Variants in VWA8 observed in about 807,000 individuals in gnomAD.
VWA8 encodes the protein von Willebrand factor A domain containing 8, also known as von Willebrand factor A domain-containing protein 8.
A neutral mutation model predicts 241.5 loss-of-function variants in VWA8; 221 were observed. The observed-to-expected ratio is 0.91, with a 90% CI of 0.82 to 1.02. The LOEUF is 1.02. Ranked by LOEUF, VWA8 falls within the 50% of genes least tolerant of loss-of-function variation. The pLI is 0.00. For synonymous variants in VWA8, 852 were observed against 827.1 expected, an observed-to-expected ratio of 1.03 and a Z score of -0.52; for missense variants, 2,322 against 2,328.7, an observed-to-expected ratio of 1.00 and a Z score of 0.06.
At chr13:41,769,924 A>T (rs995749981) in intron 20 of VWA8, among the ~76,000 whole-genome samples, 2 of 152,228 alleles carry the variant, frequency 1.3e-5, no homozygotes, top group African/African-American at 4.8e-5. Context: ...GGATCACAAC[A>T]ATTTTAAAAG....
chr13:41,592,744 A>AG (rs1324085808), intron 40 of VWA8, among the ~76,000 whole-genome samples: 4 of 149,052 alleles, frequency 2.7e-5, no homozygotes, highest in African/African-American at 7.3e-5. Context: ...AAAAAAAAAA[A>AG]GATTATGTGT....
chr13:41,599,038 C>T (rs759072415), intron 40 of VWA8, among the ~76,000 whole-genome samples: 1 of 152,074 alleles, frequency 6.6e-6, no homozygotes, highest in Non-Finnish European at 1.5e-5. Flanking sequence ...TTTGTTCATT[C>T]AGCATATGTT....
chr13:41,573,417 CAAA>C (rs879624625), intron 43 of VWA8, among the ~76,000 whole-genome samples: 23,800 of 144,262 alleles, frequency 0.16, 2,100 homozygotes, highest in Admixed American at 0.25. Flanking sequence ...GACTCCATCT[CAAA>C]ACAAACAAAG....
intron 21 of VWA8, among the ~76,000 whole-genome samples, chr13:41,744,165 A>G (rs1444628193): frequency 6.6e-6 from 1 of 152,214 alleles, no homozygotes; most frequent in Non-Finnish European, 1.5e-5. Context: ...GAAGAGGCTG[A>G]GGCCAGCCTT....
At chr13:41,686,628 C>T (rs556290151) in intron 34 of VWA8, among the ~76,000 whole-genome samples, 2 of 152,046 alleles carry the variant, frequency 1.3e-5, no homozygotes, top group East Asian at 1.9e-4. Context: ...TTCTAGTTTT[C>T]TTCCTTTCAG....
At chr13:41,766,572 A>G (rs1269762133) in intron 20 of VWA8, among the ~76,000 whole-genome samples, 1 of 152,178 alleles carries the variant, frequency 6.6e-6, no homozygotes, top group African/African-American at 2.4e-5. Flanking sequence ...TTCCATATCC[A>G]TATCTTTGCT....
chr13:41,736,844 CTTTTTTTTTTT>C, intron 21 of VWA8, among the ~76,000 whole-genome samples: 1 of 128,496 alleles, frequency 7.8e-6, no homozygotes, highest in East Asian at 2.3e-4. Flanking sequence ...TTTTTCTTTT[CTTTTTTTTTTT>C]TTTTTTTTGA....
chr13:41,830,427 T>C (rs1871396140), intron 14 of VWA8, 102 bp downstream of exon 14: 3 of 987,978 alleles, frequency 3.0e-6, no homozygotes, highest in Non-Finnish European at 4.4e-6. Context: ...ATTAAATTGT[T>C]CAAAGTTATC....
intron 13 of VWA8, among the ~76,000 whole-genome samples, chr13:41,831,613 GT>G (rs71096547): frequency 0.066 from 7,456 of 112,528 alleles, 88 homozygotes; most frequent in Non-Finnish European, 0.087. Flanking sequence ...CCAGGCATGA[GT>G]TTTTTTTTTT....
At position 41,671,395 on chromosome 13, in the gene VWA8, A is replaced by C. The variant is rs569202547; in HGVS notation, c.4410-248T>G. Among the ~76,000 whole-genome samples, 9 of 152,296 alleles carry C rather than the reference A, an allele frequency of 5.9e-5. No individual in the cohort carries two copies. In the South Asian group the frequency reaches 1.7e-3, roughly 28 times the overall value. On this transcript the variant is annotated intron_variant, in intron 36 of 44. Coordinates refer to ENST00000379310, the MANE Select transcript of VWA8 (RefSeq NM_015058.2). ...AGGACAATCATGAATATAAAAAAAA[A>C]CCAGAAAGACTATTTTAAGAAAGAT...
At chr13:41,726,792 C>T (rs527887444) in intron 24 of VWA8, among the ~76,000 whole-genome samples, 44 of 152,110 alleles carry the variant, frequency 2.9e-4, no homozygotes, top group African/African-American at 9.6e-4. Flanking sequence ...GTCAGGAGTT[C>T]GAGACCAGCC....
intron 9 of VWA8, among the ~76,000 whole-genome samples, chr13:41,882,697 G>C (rs368364477): frequency 2.0e-5 from 3 of 152,204 alleles, no homozygotes; most frequent in South Asian, 2.1e-4. Flanking sequence ...GCAGGCACTC[G>C]GCAGGCTGAG....
At chr13:41,792,670 A>G (rs1364085500) in intron 17 of VWA8, among the ~76,000 whole-genome samples, 1 of 152,028 alleles carries the variant, frequency 6.6e-6, no homozygotes, top group Admixed American at 6.6e-5. Flanking sequence ...GACTAATTAT[A>G]TCTAAATATC....
At chr13:41,816,580 G>A in intron 16 of VWA8, 118 bp downstream of exon 16, 1 of 927,468 alleles carries the variant, frequency 1.1e-6, no homozygotes, top group South Asian at 1.7e-5. Flanking sequence ...CATAGCATAA[G>A]GGATTCCAAA....
intron 9 of VWA8, among the ~76,000 whole-genome samples, chr13:41,882,656 C>G (rs567766457): frequency 2.0e-5 from 3 of 152,342 alleles, no homozygotes; most frequent in African/African-American, 7.2e-5. Context: ...ATACGAAAAC[C>G]AGTCAGGCGT....
At position 41,874,441 on chromosome 13, in the gene VWA8, G is replaced by A. The variant is rs529966751; in HGVS notation, c.1081-5964C>T. On this transcript the variant is annotated intron_variant, in intron 9 of 44. Coordinates refer to ENST00000379310, the MANE Select transcript of VWA8 (RefSeq NM_015058.2). The stretch of plus-strand genomic sequence containing the variant: ...GACTGTATATCTAGAAAACCCCATT[G>A]TCTCAGCCCAAAATCTCCTTAAGCT... Among the ~76,000 whole-genome samples, 40 of 152,174 alleles carry A rather than the reference G, an allele frequency of 2.6e-4. No homozygotes were observed. In the East Asian group the frequency reaches 7.3e-3, roughly 28 times the overall value.
Position 41,691,322 on chromosome 13 carries a change from A to C in VWA8, c.3864T>G (p.Asn1288Lys). The change falls in exon 32 of 45, where the codon AAT becomes AAG. Residue 1288 changes from asparagine to lysine, a missense_variant and splice_region_variant. By Grantham distance (94) the Asn-to-Lys change is moderately conservative. Transcript: ENST00000379310. ...ATACACTATATAAAGCCACTCACTG[A>C]TTTGTTTTGCTCTCCACCAGAAGCC... ...DKWLLVESKT[N>K]QKYLLTKPAH... is the part of the protein sequence containing the mutation. The C allele has an allele frequency of 6.2e-7, 1 of 1,611,994 alleles. No individual in the cohort carries two copies. The highest frequency in any genetic ancestry group is 1.7e-5 in the Admixed American group (1 of 59,900).
intron 37 of VWA8, among the ~76,000 whole-genome samples, chr13:41,623,391 T>C (rs1218615857): frequency 6.6e-6 from 1 of 152,194 alleles, no homozygotes; most frequent in Non-Finnish European, 1.5e-5. Flanking sequence ...AAATAATACA[T>C]GTCCTTATAG....
At chr13:41,703,491 A>G (rs2045263559) in intron 26 of VWA8, 80 bp from the exon 27 acceptor site, 1 of 1,210,496 alleles carries the variant, frequency 8.3e-7, no homozygotes, top group African/African-American at 1.5e-5. Flanking sequence ...TCTATTATCA[A>G]CCACACAAAT....
Sources: allele counts gnomAD v4.1 joint callset (sites outside exome capture counted in the v4.1 genomes callset), GRCh38; gene constraint gnomAD v4.1.1; transcripts MANE v1.5; gene names NCBI Gene and HGNC (gene_info 2026-07-23, HGNC 2026-07-21).